PCNX2: variants seen among roughly 807,000 people sequenced by gnomAD.
PCNX2 encodes the protein pecanex-like protein 2.
In PCNX2, 168 loss-of-function variants were observed where a neutral mutation model predicts 223.8. That is an observed-to-expected ratio of 0.75 (90% CI 0.66 to 0.85). The LOEUF is 0.85. Ranked by LOEUF, PCNX2 falls within the 40% of genes least tolerant of loss-of-function variation. The pLI is 0.00. For missense variants in PCNX2, 2,507 were observed against 2,675.5 expected (o/e 0.94, Z 1.39); for synonymous variants, 1,006 against 1,052.6 (o/e 0.96, Z 0.86).
At chr1:233,237,681 T>C (rs1197925380) in intron 8 of PCNX2, among the ~76,000 whole-genome samples, 1 of 152,224 alleles carries the variant, frequency 6.6e-6, no homozygotes, top group African/African-American at 2.4e-5. Flanking sequence ...CTATAACTTT[T>C]AGGAGACAAT....
At chr1:233,066,132 G>A (rs545352769) in intron 23 of PCNX2, among the ~76,000 whole-genome samples, 13 of 152,258 alleles carry the variant, frequency 8.5e-5, no homozygotes, top group African/African-American at 2.6e-4. Context: ...GAGCTGTTCC[G>A]TCACTCAGTA....
intron 32 of PCNX2, among the ~76,000 whole-genome samples, chr1:232,993,095 A>G (rs1273826891): frequency 6.6e-6 from 1 of 152,214 alleles, no homozygotes; most frequent in Non-Finnish European, 1.5e-5. Flanking sequence ...TGTGGAAGCA[A>G]CTTTGGAACT....
At chr1:233,120,560 C>G (rs997233421) in intron 21 of PCNX2, among the ~76,000 whole-genome samples, 1 of 152,138 alleles carries the variant, frequency 6.6e-6, no homozygotes, top group African/African-American at 2.4e-5. Context: ...GAACTACCTA[C>G]GGCAAAAGTA....
chr1:233,218,626 C>G (rs564413010), intron 10 of PCNX2, among the ~76,000 whole-genome samples: 5 of 152,274 alleles, frequency 3.3e-5, no homozygotes, highest in Admixed American at 1.3e-4. Context: ...TTACCTTAAG[C>G]AAGACTTTAT....
intron 25 of PCNX2, among the ~76,000 whole-genome samples, chr1:233,040,108 C>T (rs1296584814): frequency 6.6e-6 from 1 of 152,146 alleles, no homozygotes; most frequent in African/African-American, 2.4e-5. Flanking sequence ...CATGCATTTA[C>T]GGTATCATTG....
At position 232,998,689 on chromosome 1, in the gene PCNX2, G is replaced by A. The variant is rs370172215; in HGVS notation, c.5604-251C>T. On this transcript the variant is annotated intron_variant, in intron 31 of 33. Coordinates refer to ENST00000258229, the MANE Select transcript of PCNX2 (RefSeq NM_014801.4). ...GAACCCTTAGCACTGAGGCTTGATA[G>A]GGAGCTCTGTCGTCTTCAGGCAAAA... 3.3e-5 allele frequency among the ~76,000 whole-genome samples: 5 copies of A among 152,308 alleles called. No homozygotes were observed. The East Asian group carries it at 7.7e-4, about 24-fold the overall frequency.
chr1:233,123,212 G>A (rs1015474427), intron 21 of PCNX2, among the ~76,000 whole-genome samples: 24 of 152,192 alleles, frequency 1.6e-4, no homozygotes, highest in Non-Finnish European at 2.9e-5. Flanking sequence ...GAAATAGGGT[G>A]TGGGGTATAT....
intron 32 of PCNX2, among the ~76,000 whole-genome samples, chr1:232,989,405 GAT>G (rs1314067094): frequency 6.6e-6 from 1 of 151,832 alleles, no homozygotes; most frequent in East Asian, 1.9e-4. Context: ...AGTGAGCCGA[GAT>G]AGCGCCACTG....
chr1:233,027,952 C>T lies in PCNX2; in HGVS notation c.4352-2553G>A, dbSNP rs182080640. Reference sequence around the variant, plus strand: ...TTATATGCTGCGTTTTGTTTTCATTCAGTTCAGTTATTTTGTGATTAACTT... The same window carrying T: ...TTATATGCTGCGTTTTGTTTTCATTTAGTTCAGTTATTTTGTGATTAACTT... On this transcript the variant is annotated intron_variant, in intron 25 of 33. Transcript: ENST00000258229. 4.8e-3 allele frequency among the ~76,000 whole-genome samples: 724 copies of T among 152,280 alleles called. 6 individuals carry two copies. Among genetic ancestry groups the T allele is most frequent in the South Asian group, 8.1e-3 (39 of 4,820 alleles).
At chr1:232,999,014 C>T (rs1571994393) in intron 31 of PCNX2, 91 bp downstream of exon 31, 1 of 1,404,054 alleles carries the variant, frequency 7.1e-7, no homozygotes, top group South Asian at 1.5e-5. Context: ...TGGTGGCTGA[C>T]AGTGAAATCT....
chr1:233,308,562 G>A, the PCNX2 span, among the ~76,000 whole-genome samples: 2 of 152,104 alleles, frequency 1.3e-5, no homozygotes, highest in South Asian at 2.1e-4. Context: ...AATAATAGAT[G>A]TATAAAGATA....
At chr1:233,076,717 A>G (rs1182130662) in intron 23 of PCNX2, among the ~76,000 whole-genome samples, 1 of 152,232 alleles carries the variant, frequency 6.6e-6, no homozygotes, top group African/African-American at 2.4e-5. Flanking sequence ...AATCATCTTG[A>G]GACACCTTGT....
chr1:233,016,503 T>C (rs1030133666), intron 27 of PCNX2, among the ~76,000 whole-genome samples: 4 of 152,136 alleles, frequency 2.6e-5, no homozygotes, highest in Non-Finnish European at 5.9e-5. Flanking sequence ...AAAATAACGA[T>C]GACAGAAGTT....
At chr1:232,984,670 G>A in intron 33 of PCNX2, 193 bp from the exon 34 acceptor site, 1 of 565,642 alleles carries the variant, frequency 1.8e-6, no homozygotes, top group South Asian at 2.4e-5. Context: ...GGCAACTGAA[G>A]CAGCATCTGA....
chr1:233,200,276 C>T lies in PCNX2; in HGVS notation c.2864-12G>A. 1 of 1,530,990 alleles carries T rather than the reference C, an allele frequency of 6.5e-7. No individual in the cohort carries two copies. The highest frequency in any genetic ancestry group is 1.7e-4 in the Middle Eastern group (1 of 5,934). The allele number at this position is 1,530,990 out of a possible 1,614,324, so 94.8% of individuals were successfully genotyped here. A position where few individuals can be genotyped will look rare whatever the true frequency, so the allele number is the denominator to read the frequency against. On this transcript the variant is annotated splice_polypyrimidine_tract_variant and intron_variant, in intron 13 of 33. Transcript: ENST00000258229. ...GCAATATAAAAATACTGAAAATGAACAAACAAAATTGACGATAAGCATGGG... is the reference window on the plus strand; with the variant it reads ...GCAATATAAAAATACTGAAAATGAATAAACAAAATTGACGATAAGCATGGG...
rs543443568 is a variant in PCNX2, at chr1:233,274,506, A to C, written c.154-11343T>G. ...CCAAGCATAGAGACAAAAGAAACATAGTCCCTATACATACCAAGTTCAAAA... is the reference window on the plus strand; with the variant it reads ...CCAAGCATAGAGACAAAAGAAACATCGTCCCTATACATACCAAGTTCAAAA... On this transcript the variant is annotated intron_variant, in intron 1 of 33. Coordinates refer to ENST00000258229, the MANE Select transcript of PCNX2 (RefSeq NM_014801.4). Among the ~76,000 whole-genome samples, 9 of 152,336 alleles carry C rather than the reference A, an allele frequency of 5.9e-5. No individual in the cohort carries two copies. The South Asian group carries it at 1.7e-3, about 28-fold the overall frequency.
At position 233,059,553 on chromosome 1, in the gene PCNX2, TCATACA is replaced by T. The variant is rs531421155; in HGVS notation, c.4077-2269_4077-2264del. On this transcript the variant is annotated intron_variant, in intron 23 of 33. Transcript: ENST00000258229. ...TTAGGAGCCTTTACTTTACACCACATCATACATCTCTTTGTGTAATTATCTGATGAT... is the reference window on the plus strand; with the variant it reads ...TTAGGAGCCTTTACTTTACACCACATTCTCTTTGTGTAATTATCTGATGAT... Among the ~76,000 whole-genome samples, 37 of 150,024 alleles carry T rather than the reference TCATACA, an allele frequency of 2.5e-4. 1 individual carries two copies. In the East Asian group the frequency reaches 5.8e-3, roughly 23 times the overall value.
At chr1:233,009,637 C>G (rs905688694) in intron 28 of PCNX2, among the ~76,000 whole-genome samples, 1 of 152,156 alleles carries the variant, frequency 6.6e-6, no homozygotes, top group Non-Finnish European at 1.5e-5. Context: ...CAGGGTTGGG[C>G]TGGCTGTAGA....
chr1:233,166,035 T>A (rs977995916), intron 17 of PCNX2, among the ~76,000 whole-genome samples: 1 of 152,064 alleles, frequency 6.6e-6, no homozygotes, highest in African/African-American at 2.4e-5. Context: ...TGGAAAAGAA[T>A]AAAGTGTCCA....
Sources: gnomAD v4.1 joint callset for allele counts (sites outside exome capture counted in the v4.1 genomes callset) on GRCh38, gnomAD v4.1.1 for gene constraint, MANE v1.5 for transcripts, NCBI Gene and HGNC (gene_info 2026-07-23, HGNC 2026-07-21) for gene names.